The following MGAT5B variants were observed in gnomAD, a reference collection of about 807,000 sequenced individuals.
MGAT5B encodes alpha-1,6-mannosylglycoprotein 6-beta-N-acetylglucosaminyltransferase B.
In MGAT5B, 54 loss-of-function variants were observed where a neutral mutation model predicts 95.1. The ratio of observed to expected loss-of-function variants is 0.57; its 90% confidence interval spans 0.46 to 0.71. The LOEUF (loss-of-function observed/expected upper bound fraction) is 0.71, where lower values mean the gene tolerates loss of function less well. Ranked by LOEUF, MGAT5B falls within the 30% of genes least tolerant of loss-of-function variation. MGAT5B has a pLI of 0.00. For synonymous variants in MGAT5B, 464 were observed against 451.0 expected, an observed-to-expected ratio of 1.03 and a Z score of -0.36; for missense variants, 935 against 1,088.6, an observed-to-expected ratio of 0.86 and a Z score of 1.99.
At chr17:76,902,237 G>T (rs538249236) in intron 3 of MGAT5B, among the ~76,000 whole-genome samples, 29 of 152,156 alleles carry the variant, frequency 1.9e-4, no homozygotes, top group African/African-American at 6.5e-4. Context: ...GGGGCCGAGG[G>T]GTGGGGGATG....
chr17:76,907,344 C>T (rs1968570073), intron 8 of MGAT5B, among the ~76,000 whole-genome samples: 1 of 152,250 alleles, frequency 6.6e-6, no homozygotes, highest in African/African-American at 2.4e-5. Context: ...AGCCACCGCA[C>T]CCAGCCTGCT....
At chr17:76,919,043 A>T (rs114272590) in intron 8 of MGAT5B, among the ~76,000 whole-genome samples, 1,696 of 152,364 alleles carry the variant, frequency 0.011, 29 homozygotes, top group African/African-American at 0.038. Flanking sequence ...CGTGTCCCAC[A>T]TGTGGAGGCG....
At chr17:76,897,740 T>C (rs1421168958) in intron 3 of MGAT5B, among the ~76,000 whole-genome samples, 1 of 148,012 alleles carries the variant, frequency 6.8e-6, no homozygotes, top group Admixed American at 6.7e-5. Flanking sequence ...TCTTTTTTTT[T>C]TTTTTTTTTG....
rs1009686190 is a variant in MGAT5B at position 76,872,961 on chromosome 17, A to G, written c.179A>G (p.Glu60Gly). The G allele has an allele frequency of 6.2e-7, 1 of 1,613,410 alleles. No homozygotes were observed. Among genetic ancestry groups the G allele is most frequent in the Non-Finnish European group, 8.5e-7 (1 of 1,179,990 alleles). ...GACTCGCCATTCACCATCCGCACAG[A>G]AGGTACCTTGGTGGGGCAAGGGGAG... ...LGDSPFTIRT[E>G]VMGGPESRGV... The change falls in exon 2 of 18, where the codon GAA becomes GGA. Residue 60 changes from glutamate (E) to glycine (G), a missense_variant and splice_region_variant. Glu to Gly is a moderately conservative substitution (Grantham distance 98). Transcript: ENST00000569840.
At chr17:76,895,643 C>A (rs1968039943) in intron 3 of MGAT5B, among the ~76,000 whole-genome samples, 1 of 152,006 alleles carries the variant, frequency 6.6e-6, no homozygotes, top group Non-Finnish European at 1.5e-5. Context: ...AGTTTCAGAC[C>A]AAATTTCCCC....
Position 76,938,228 on chromosome 17 carries a change from GC to G in MGAT5B, c.1584+89del. 1 of 1,533,716 alleles carries G rather than the reference GC, an allele frequency of 6.5e-7. No individual in the cohort carries two copies. The highest frequency in any genetic ancestry group is 8.9e-7 in the Non-Finnish European group (1 of 1,124,762). On this transcript the variant is annotated intron_variant, in intron 13 of 17. Coordinates refer to ENST00000569840, the MANE Select transcript of MGAT5B (RefSeq NM_001199172.2). The surrounding 1 kb of genome is among the most constrained non-coding windows in gnomAD (Gnocchi z 4.3). ...ACCCATGCCTGCCACCACCACTCAG[GC>G]CCCTTCCACATATGGACATACCCCA...
chr17:76,948,191 G>T (rs944816542), intron 17 of MGAT5B, 105 bp downstream of exon 17: 9 of 1,457,902 alleles, frequency 6.2e-6, no homozygotes, highest in Admixed American at 2.6e-5. Context: ...CTGCCAGTGT[G>T]GGGGGATGTA....
chr17:76,885,699 C>T (rs1268789698), intron 3 of MGAT5B, among the ~76,000 whole-genome samples: 3 of 152,228 alleles, frequency 2.0e-5, no homozygotes, highest in Non-Finnish European at 2.9e-5. Flanking sequence ...GCAGAGCCAT[C>T]AATTTCAGGG....
chr17:76,899,379 C>T (rs1487195240), intron 3 of MGAT5B, among the ~76,000 whole-genome samples: 1 of 152,170 alleles, frequency 6.6e-6, no homozygotes, highest in Non-Finnish European at 1.5e-5. Context: ...TATGGTGGCT[C>T]ACACCTGTAA....
rs1970124290 is a variant in MGAT5B at position 76,949,008 on chromosome 17, A to G, written c.*170A>G. On this transcript the variant is annotated 3_prime_UTR_variant, in exon 18 of 18. Coordinates refer to ENST00000569840, the MANE Select transcript of MGAT5B (RefSeq NM_001199172.2). ...GAGGAGAGCCGTGCCCGGGAATAGGAGGAGGCAGCATGCCGAGCCCCTGGG... is the reference window on the plus strand; with the variant it reads ...GAGGAGAGCCGTGCCCGGGAATAGGGGGAGGCAGCATGCCGAGCCCCTGGG... 1 of 783,716 alleles carries G rather than the reference A, an allele frequency of 1.3e-6. No homozygotes were observed. The highest frequency in any genetic ancestry group is 2.0e-6 in the Non-Finnish European group (1 of 504,680). 48.5% of individuals were successfully genotyped at this position (783,716 alleles called of 1,614,324 possible).
chr17:76,906,301 G>A lies in MGAT5B; in HGVS notation c.1025+114G>A, dbSNP rs372411471. 2.5e-3 allele frequency: 2,545 copies of A among 1,011,866 alleles called. 70 individuals carry two copies. The South Asian group carries it at 0.039, about 16-fold the overall frequency. The allele number at this position is 1,011,866 out of a possible 1,614,324, so 62.7% of individuals were successfully genotyped here. ...CACCTGCTCTGCCTGCAGGTCCCAC[G>A]GCCCTGAGACCCTGGGAGACATCCT... On this transcript the variant is annotated intron_variant, in intron 8 of 17. Transcript: ENST00000569840. This position sits in a 1 kb window ranked among gnomAD's most constrained non-coding sequence, Gnocchi z 4.6.
intron 8 of MGAT5B, among the ~76,000 whole-genome samples, chr17:76,909,688 C>T (rs189308879): frequency 6.6e-6 from 1 of 152,278 alleles, no homozygotes; most frequent in East Asian, 1.9e-4. Flanking sequence ...TCAGGTAGAA[C>T]GTCTGTGACT....
chr17:76,913,293 G>A (rs766387673), intron 8 of MGAT5B, among the ~76,000 whole-genome samples: 1 of 152,212 alleles, frequency 6.6e-6, no homozygotes, highest in African/African-American at 2.4e-5. Context: ...CTTAGGTTTG[G>A]AACCCAGAGA....
At chr17:76,890,353 G>A (rs1403635015) in intron 3 of MGAT5B, among the ~76,000 whole-genome samples, 5 of 152,198 alleles carry the variant, frequency 3.3e-5, no homozygotes, top group South Asian at 4.1e-4. Flanking sequence ...TGTCCATTAC[G>A]AGTAGTGATA....
At chr17:76,948,566 C>T (rs915393074) in intron 17 of MGAT5B, 74 bp from the exon 18 acceptor site, 19 of 1,423,052 alleles carry the variant, frequency 1.3e-5, no homozygotes, top group Admixed American at 4.0e-5. Flanking sequence ...AGGCTGGGGG[C>T]AGCCCCTACC....
chr17:76,935,022 A>G (rs934380309), intron 12 of MGAT5B, among the ~76,000 whole-genome samples: 1 of 152,182 alleles, frequency 6.6e-6, no homozygotes, highest in Non-Finnish European at 1.5e-5. Flanking sequence ...CTTTGTGCTA[A>G]GCGGGTCTGT....
chr17:76,899,065 G>A (rs1434118259), intron 3 of MGAT5B, among the ~76,000 whole-genome samples: 3 of 152,226 alleles, frequency 2.0e-5, no homozygotes, highest in Non-Finnish European at 2.9e-5. Context: ...CTTGCAAGAC[G>A]GATGGAGAGG....
At chr17:76,923,632 C>T (rs1023063390) in intron 8 of MGAT5B, among the ~76,000 whole-genome samples, 1 of 152,214 alleles carries the variant, frequency 6.6e-6, no homozygotes, top group Non-Finnish European at 1.5e-5. Context: ...TCCACCGTGC[C>T]TCAGCACACG....
chr17:76,868,956 G>A lies in MGAT5B; in HGVS notation c.-74G>A. On this transcript the variant is annotated 5_prime_UTR_variant, in exon 1 of 18. Transcript: ENST00000569840. The surrounding 1 kb of genome is among the most constrained non-coding windows in gnomAD (Gnocchi z 6.3). ...CGGCCCGCAGAGGGTTCGTGGCCCG[G>A]ACGCGGCGAGAGCTGGGCCCAGGAC... The A allele has an allele frequency of 6.8e-7, 1 of 1,476,280 alleles. No homozygotes were observed. The highest frequency in any genetic ancestry group is 9.4e-7 in the Non-Finnish European group (1 of 1,060,700). 91.4% of individuals were successfully genotyped at this position (1,476,280 alleles called of 1,614,324 possible).
Sources: allele counts gnomAD v4.1 joint callset (sites outside exome capture counted in the v4.1 genomes callset), GRCh38; gene constraint gnomAD v4.1.1; non-coding constraint Gnocchi (gnomAD v3.1); transcripts MANE v1.5; gene names NCBI Gene and HGNC (gene_info 2026-07-23, HGNC 2026-07-21).